The following PDE3A variants were observed in gnomAD, a reference collection of about 807,000 sequenced individuals.
PDE3A encodes the protein cGMP-inhibited 3',5'-cyclic phosphodiesterase 3A.
Under a neutral mutation model 98.3 loss-of-function variants are expected in PDE3A, and 43 were observed. The ratio of observed to expected loss-of-function variants is 0.44; its 90% CI spans 0.34 to 0.56. The LOEUF (loss-of-function observed/expected upper bound fraction) is 0.56, where lower values mean the gene tolerates loss of function less well. Ranked by LOEUF, PDE3A falls within the 20% of genes least tolerant of loss-of-function variation. The pLI is 0.01. For synonymous variants in PDE3A, 663 were observed against 567.9 expected, an observed-to-expected ratio of 1.17 and a Z score of -2.38; for missense variants, 1,427 against 1,440.7, an observed-to-expected ratio of 0.99 and a Z score of 0.15.
intron 1 of PDE3A, among the ~76,000 whole-genome samples, chr12:20,464,361 T>C (rs1245045801): frequency 6.6e-6 from 1 of 152,244 alleles, no homozygotes; most frequent in African/African-American, 2.4e-5. Context: ...ATATATTCAC[T>C]TAACAAGGTT....
intron 1 of PDE3A, among the ~76,000 whole-genome samples, chr12:20,400,199 G>A (rs995222519): frequency 7.9e-5 from 12 of 151,888 alleles, no homozygotes; most frequent in Admixed American, 2.0e-4. Flanking sequence ...GTGCATGTCC[G>A]ACTGAGCTCT....
At chr12:20,635,133 C>A in intron 8 of PDE3A, 77 bp downstream of exon 8, 2 of 1,358,988 alleles carry the variant, frequency 1.5e-6, no homozygotes, top group East Asian at 4.6e-5. Context: ...AGAAATGAAT[C>A]TTTGAGGCCA....
chr12:20,674,541 G>A (rs1380165438), intron 15 of PDE3A, among the ~76,000 whole-genome samples: 3 of 152,066 alleles, frequency 2.0e-5, no homozygotes, highest in East Asian at 1.9e-4. Context: ...TATATTGAGA[G>A]GATAGATGCA....
In PDE3A at chr12:20,552,764, A is replaced by G. The variant is rs1469417519; in HGVS notation, c.961-3896A>G. ...CGGCCGGCGAGCGGCAGCCCGTTCCAGTTGTTCCTGAGTAAAGTGGAGGAG... is the reference window on the plus strand; with the variant it reads ...CGGCCGGCGAGCGGCAGCCCGTTCCGGTTGTTCCTGAGTAAAGTGGAGGAG... On this transcript the variant is annotated intron_variant, in intron 1 of 15. Transcript: ENST00000359062. This position sits in a 1 kb window ranked among gnomAD's most constrained non-coding sequence, Gnocchi z 5.1. The G allele has an allele frequency of 3.1e-6, 5 of 1,614,040 alleles. No homozygotes were observed. The South Asian group carries it at 3.3e-5, about 11-fold the overall frequency.
intron 1 of PDE3A, among the ~76,000 whole-genome samples, chr12:20,525,332 A>G (rs1946497231): frequency 6.6e-6 from 1 of 152,110 alleles, no homozygotes; most frequent in Non-Finnish European, 1.5e-5. Context: ...TACTATCATC[A>G]TGTTCAGTTT....
At chr12:20,636,236 G>T (rs563480605) in intron 8 of PDE3A, among the ~76,000 whole-genome samples, 1 of 152,166 alleles carries the variant, frequency 6.6e-6, no homozygotes, top group Non-Finnish European at 1.5e-5. Flanking sequence ...ATTTAAGGAG[G>T]ATGGAAGCAT....
At chr12:20,642,901 G>A (rs537316445) in intron 10 of PDE3A, among the ~76,000 whole-genome samples, 89 of 152,300 alleles carry the variant, frequency 5.8e-4, no homozygotes, top group African/African-American at 2.0e-3. Flanking sequence ...GTGCATAGGA[G>A]CATAGACAAA....
intron 1 of PDE3A, among the ~76,000 whole-genome samples, chr12:20,556,385 T>C (rs1371158053): frequency 6.6e-6 from 1 of 152,160 alleles, no homozygotes; most frequent in Non-Finnish European, 1.5e-5. Context: ...CTTTACATGG[T>C]TTAACATCTA....
intron 10 of PDE3A, 112 bp downstream of exon 10, chr12:20,640,069 T>C: frequency 1.7e-6 from 1 of 584,292 alleles, no homozygotes; most frequent in East Asian, 3.0e-5. Context: ...TGGTAGACGC[T>C]CAATATGGAG....
At chr12:20,669,153 A>G (rs539216094) in intron 15 of PDE3A, among the ~76,000 whole-genome samples, 3 of 150,370 alleles carry the variant, frequency 2.0e-5, no homozygotes, top group South Asian at 4.2e-4. Flanking sequence ...TAGAGAAAAA[A>G]GAATAAAAAG....
At chr12:20,517,462 T>C (rs2121137567) in intron 1 of PDE3A, among the ~76,000 whole-genome samples, 1 of 152,336 alleles carries the variant, frequency 6.6e-6, no homozygotes, top group South Asian at 2.1e-4. Flanking sequence ...TAAACTCTTA[T>C]TCAGAATGTT....
chr12:20,639,914 G>A lies in PDE3A; in HGVS notation c.2208G>A (p.Met736Ile). The change falls in exon 10 of 16, where the codon ATG becomes ATA. Residue 736 changes from methionine (M) to isoleucine (I), a missense_variant. Around this residue, in one of 3 missense-constraint regions of PDE3A, gnomAD observed 273 missense variants for 420.3 expected, o/e 0.65. Transcript: ENST00000359062. ...EAFKIPIREF[M>I]NYFHALEIGY... ...TTAAAATTCCAATTAGGGAATTTAT[G>A]AATTATTTTCATGCTTTGGAGATTG... 1 of 1,571,600 alleles carries A rather than the reference G, an allele frequency of 6.4e-7. No individual in the cohort carries two copies. The highest frequency in any genetic ancestry group is 2.2e-5 in the East Asian group (1 of 44,562).
intron 1 of PDE3A, among the ~76,000 whole-genome samples, chr12:20,453,371 G>T (rs1309033426): frequency 1.1e-4 from 16 of 151,784 alleles, no homozygotes; most frequent in Non-Finnish European, 2.9e-5. Context: ...GTGGAGATGG[G>T]GTTTCACCAT....
At chr12:20,486,540 A>G (rs1473996707) in intron 1 of PDE3A, among the ~76,000 whole-genome samples, 1 of 152,208 alleles carries the variant, frequency 6.6e-6, no homozygotes. Flanking sequence ...CCCAGTGTAT[A>G]TGTTCCTCAT....
At chr12:20,616,053 G>T (rs1943997301) in intron 3 of PDE3A, among the ~76,000 whole-genome samples, 177 bp from the exon 4 acceptor site, 1 of 149,924 alleles carries the variant, frequency 6.7e-6, no homozygotes, top group Non-Finnish European at 1.5e-5. Flanking sequence ...ATTCATTTTG[G>T]CCAGAGAGTC....
intron 2 of PDE3A, among the ~76,000 whole-genome samples, chr12:20,590,289 T>C (rs982879609): frequency 4.6e-5 from 7 of 150,954 alleles, no homozygotes; most frequent in Non-Finnish European, 1.0e-4. Context: ...GTGAAGATTA[T>C]AAAATTTCAA....
intron 15 of PDE3A, among the ~76,000 whole-genome samples, chr12:20,669,964 G>T (rs1031750417): frequency 2.0e-5 from 3 of 151,912 alleles, no homozygotes; most frequent in Admixed American, 6.6e-5. Context: ...CATCTCACGT[G>T]CAGACACACA....
intron 1 of PDE3A, among the ~76,000 whole-genome samples, chr12:20,411,474 A>G (rs1944331406): frequency 6.6e-6 from 1 of 152,002 alleles, no homozygotes; most frequent in African/African-American, 2.4e-5. Flanking sequence ...AGCATGTGTC[A>G]GAGTTTTGAC....
intron 2 of PDE3A, among the ~76,000 whole-genome samples, chr12:20,561,984 G>GTA (rs1942535875): frequency 6.6e-6 from 1 of 151,934 alleles, no homozygotes; most frequent in African/African-American, 2.4e-5. Context: ...TTTTTTAAAA[G>GTA]TATATAACTC....
Sources: gnomAD v4.1 joint callset for allele counts (sites outside exome capture counted in the v4.1 genomes callset) on GRCh38, gnomAD v4.1.1 for gene constraint, gnomAD v4.1.1 regional missense constraint, Gnocchi (gnomAD v3.1) non-coding constraint, MANE v1.5 for transcripts, NCBI Gene and HGNC (gene_info 2026-07-23, HGNC 2026-07-21) for gene names.